GRSF1: variants seen among roughly 807,000 people sequenced by gnomAD.
The protein encoded by GRSF1 is G-rich RNA sequence binding factor 1, also known as G-rich sequence factor 1.
Under a neutral mutation model 51.1 loss-of-function variants are expected in GRSF1, and 50 were observed. The observed-to-expected ratio is 0.98, with a 90% CI of 0.78 to 1.24. The LOEUF is 1.24. Among genes scored for constraint, GRSF1 ranks in the 50% most tolerant of loss-of-function variants. The pLI is 0.00. For synonymous variants in GRSF1, 293 were observed against 253.3 expected (o/e 1.16, Z -1.49); for missense variants, 700 against 639.7 (o/e 1.09, Z -1.02).
intron 1 of GRSF1, among the ~76,000 whole-genome samples, chr4:70,837,260 G>A (rs917339283): frequency 2.6e-5 from 4 of 152,146 alleles, no homozygotes; most frequent in Non-Finnish European, 5.9e-5. Flanking sequence ...GACAACTCAG[G>A]CTTTAAGACT....
Position 70,832,348 on chromosome 4 carries a change from G to A in GRSF1, c.773C>T (p.Pro258Leu). The A allele has an allele frequency of 6.2e-7, 1 of 1,613,492 alleles. No individual in the cohort carries two copies. The highest frequency in any genetic ancestry group is 8.5e-7 in the Non-Finnish European group (1 of 1,179,562). The part of the protein sequence containing the change: ...NDGVVRLRGL[P>L]YSCNEKDIVD... ...AATGTCTTTCTCATTGCAACTATAAGGAAGTCCTCTCAAACGAACCACACC... is the reference window on the plus strand; with the variant it reads ...AATGTCTTTCTCATTGCAACTATAAAGAAGTCCTCTCAAACGAACCACACC... Residue 258 changes from proline (P) to leucine (L), a missense_variant, in exon 4 of 10, where the codon CCT (proline) becomes CTT (leucine). Coordinates refer to ENST00000254799, the MANE Select transcript of GRSF1 (RefSeq NM_002092.4).
chr4:70,833,850 T>TAA (rs1297445075), intron 2 of GRSF1, among the ~76,000 whole-genome samples: 1 of 152,084 alleles, frequency 6.6e-6, no homozygotes, highest in African/African-American at 2.4e-5. Context: ...ATACTTTTTA[T>TAA]AATGGGAGTA....
chr4:70,826,538 A>C (rs1733744508), intron 6 of GRSF1, among the ~76,000 whole-genome samples: 2 of 146,858 alleles, frequency 1.4e-5, no homozygotes, highest in Admixed American at 6.8e-5. Flanking sequence ...TAGGCACTGA[A>C]AAAAAAAAAA....
At position 70,820,412 on chromosome 4, in the gene GRSF1, C is replaced by T. The variant is rs1274100147; in HGVS notation, c.*475G>A. ...CCATACCAGTTCAAAGGTCTGAAAC[C>T]GTTCTTTGCTTTGGTGAATGTTTGG... On this transcript the variant is annotated 3_prime_UTR_variant, in exon 10 of 10. Coordinates refer to ENST00000254799, the MANE Select transcript of GRSF1 (RefSeq NM_002092.4). 1 of 152,390 alleles carries T rather than the reference C, an allele frequency of 6.6e-6. No homozygotes were observed. The highest frequency in any genetic ancestry group is 1.5e-5 in the Non-Finnish European group (1 of 67,998). 9.4% of individuals were successfully genotyped at this position (152,390 alleles called of 1,614,324 possible).
At chr4:70,821,140 G>T (rs1239197002) in intron 9 of GRSF1, among the ~76,000 whole-genome samples, 1 of 152,136 alleles carries the variant, frequency 6.6e-6, no homozygotes, top group Non-Finnish European at 1.5e-5. Flanking sequence ...AATAGCAACA[G>T]AAGAGGCCAG....
In GRSF1 at chr4:70,831,608, T is replaced by C. The variant is rs773926953; in HGVS notation, c.881A>G (p.Tyr294Cys). 7 of 1,613,508 alleles carry C rather than the reference T, an allele frequency of 4.3e-6. No homozygotes were observed. In the Admixed American group the frequency reaches 5.0e-5, roughly 12 times the overall value. ...YRGRRKTGEA[Y>C]VQFEEPEMAN... ...CATTTCTGGTTCTTCAAATTGCACA[T>C]AGGCTTCCCCTGTTTTTCGCCTCCC... Residue 294 changes from tyrosine (Y) to cysteine (C), a missense_variant, in exon 5 of 10, where the codon TAT (tyrosine) becomes TGT (cysteine). Tyr to Cys is a radical substitution (Grantham distance 194). Transcript: ENST00000254799.
intron 9 of GRSF1, among the ~76,000 whole-genome samples, chr4:70,823,394 T>C (rs1252697109): frequency 6.7e-6 from 1 of 149,058 alleles, no homozygotes; most frequent in Non-Finnish European, 1.5e-5. Context: ...TGAAACTCCA[T>C]CTCACAAAAA....
intron 3 of GRSF1, among the ~76,000 whole-genome samples, chr4:70,832,820 T>C (rs922477997): frequency 6.6e-6 from 1 of 152,176 alleles, no homozygotes; most frequent in Non-Finnish European, 1.5e-5. Flanking sequence ...TCATGGCATG[T>C]GCCTGTAGTC....
At position 70,824,340 on chromosome 4, in the gene GRSF1, A is replaced by G; in HGVS notation, c.1422T>C (p.Asn474=). The G allele has an allele frequency of 6.7e-7, 1 of 1,492,656 alleles. No homozygotes were observed. The highest frequency in any genetic ancestry group is 9.3e-7 in the Non-Finnish European group (1 of 1,079,776). 92.5% of individuals were successfully genotyped at this position (1,492,656 alleles called of 1,614,324 possible). Residue 474 remains asparagine, a synonymous_variant, in exon 9 of 10, where the codon AAT becomes AAC. Transcript: ENST00000254799. ...VHHRYIELFL[N]SCPKGK ...AGTCTTATTTTCCTTTTGGACATGA[A>G]TTCAGGAACAGTTCAATATACCTAT...
At chr4:70,835,653 G>A (rs549006687) in intron 2 of GRSF1, among the ~76,000 whole-genome samples, 1 of 151,910 alleles carries the variant, frequency 6.6e-6, no homozygotes, top group East Asian at 2.0e-4. Context: ...ATGTTAGCCA[G>A]GATGGTCTCG....
In GRSF1 at chr4:70,825,329, C is replaced by T. The variant is rs903524881; in HGVS notation, c.1360G>A (p.Val454Ile). The change falls in exon 8 of 10, where the codon GTT becomes ATT. Residue 454 changes from valine (V) to isoleucine (I), a missense_variant. By Grantham distance (29) the Val-to-Ile change is conservative (BLOSUM62 3). Coordinates refer to ENST00000254799, the MANE Select transcript of GRSF1 (RefSeq NM_002092.4). ...GACCGATCCTTGAGCATCGCTGCAA[C>T]AGCATCCTCATGGGTCTCAAAGTGC... ...DVHFETHEDA[V>I]AAMLKDRSHV... 12 of 1,610,694 alleles carry T rather than the reference C, an allele frequency of 7.5e-6. No individual in the cohort carries two copies. In the Admixed American group the frequency reaches 1.8e-4, roughly 25 times the overall value.
intron 9 of GRSF1, 60 bp downstream of exon 9, chr4:70,824,234 T>TA (rs1380927098): frequency 1.3e-6 from 1 of 747,440 alleles, no homozygotes; most frequent in African/African-American, 1.7e-5. Flanking sequence ...CCTCCCAAAG[T>TA]ACTGGGATTA....
intron 5 of GRSF1, among the ~76,000 whole-genome samples, chr4:70,830,284 A>G (rs2148841516): frequency 6.6e-6 from 1 of 152,230 alleles, no homozygotes; most frequent in South Asian, 2.1e-4. Context: ...ACGCACGCAC[A>G]CACACATACA....
rs886294139 is a variant in GRSF1, at chr4:70,818,641, A to C, written c.*2246T>G. ...TTCAGATGAGACCACAATATTCAGC[A>C]ATCAGCTCCCTGGTATTTACATACT... On this transcript the variant is annotated 3_prime_UTR_variant, in exon 10 of 10. Coordinates refer to ENST00000254799, the MANE Select transcript of GRSF1 (RefSeq NM_002092.4). 4 of 152,236 alleles carry C rather than the reference A, an allele frequency of 2.6e-5. No homozygotes were observed. Among genetic ancestry groups the C allele is most frequent in the Non-Finnish European group, 4.4e-5 (3 of 68,058 alleles). The allele number at this position is 152,236 out of a possible 1,614,324, so 9.4% of individuals were successfully genotyped here.
At chr4:70,832,600 A>T in intron 3 of GRSF1, 150 bp from the exon 4 acceptor site, 2 of 583,396 alleles carry the variant, frequency 3.4e-6, no homozygotes. Context: ...AACAAATGAC[A>T]TTTATTGCAT....
chr4:70,821,022 T>C (rs1733473996), intron 9 of GRSF1, among the ~76,000 whole-genome samples, 161 bp from the exon 10 acceptor site: 1 of 152,222 alleles, frequency 6.6e-6, no homozygotes, highest in African/African-American at 2.4e-5. Flanking sequence ...AGTCAGGCAT[T>C]AGTGTTTACA....
chr4:70,839,520 G>A lies in GRSF1; in HGVS notation c.308C>T (p.Pro103Leu), dbSNP rs1734374037. ...GGCGGCCGCCGCCGCCAGCGACTGCGGCAGCAGAGAGGCACGGAGGGCAGA... is the reference window on the plus strand; with the variant it reads ...GGCGGCCGCCGCCGCCAGCGACTGCAGCAGCAGAGAGGCACGGAGGGCAGA... ...SYSALRASLL[P>L]QSLAAAAAVP... The change falls in exon 1 of 10, where the codon CCG becomes CTG. Residue 103 changes from proline (P) to leucine (L), a missense_variant. By Grantham distance (98) the Pro-to-Leu change is moderately conservative. Transcript: ENST00000254799. 4 of 1,443,108 alleles carry A rather than the reference G, an allele frequency of 2.8e-6. No individual in the cohort carries two copies. Among genetic ancestry groups the A allele is most frequent in the Non-Finnish European group, 1.8e-6 (2 of 1,104,766 alleles). The allele number at this position is 1,443,108 out of a possible 1,614,324, so 89.4% of individuals were successfully genotyped here.
At chr4:70,825,959 T>C (rs1311872505) in intron 7 of GRSF1, 165 bp downstream of exon 7, 3 of 615,042 alleles carry the variant, frequency 4.9e-6, no homozygotes, top group East Asian at 3.1e-5. Context: ...AGCCACACTT[T>C]TCAGCTACAG....
chr4:70,824,556 G>T (rs111286935), intron 8 of GRSF1, among the ~76,000 whole-genome samples, 188 bp from the exon 9 acceptor site: 163 of 152,130 alleles, frequency 1.1e-3, no homozygotes, highest in African/African-American at 3.9e-3. Context: ...AAGCCGAAGT[G>T]GGAGGATCAC....
Sources: allele counts gnomAD v4.1 joint callset (sites outside exome capture counted in the v4.1 genomes callset), GRCh38; gene constraint gnomAD v4.1.1; transcripts MANE v1.5; gene names NCBI Gene and HGNC (gene_info 2026-07-23, HGNC 2026-07-21).